DIP2A: variants seen among roughly 807,000 people sequenced by gnomAD.
DIP2A encodes the protein disco-interacting protein 2 homolog A.
DIP2A carries 85 observed loss-of-function variants against 177.4 expected under a neutral mutation model. That is an observed-to-expected ratio of 0.48 (90% confidence interval 0.40 to 0.57). The LOEUF (loss-of-function observed/expected upper bound fraction) is 0.57. Ranked by LOEUF, DIP2A falls within the 20% of genes least tolerant of loss-of-function variation. The probability of loss-of-function intolerance (pLI) is 0.00; values close to 1 mark genes in which losing one functional copy is unlikely to be tolerated. For synonymous variants in DIP2A, 886 were observed against 881.8 expected, an observed-to-expected ratio of 1.00 and a Z score of -0.08; for missense variants, 1,791 against 2,100.2, an observed-to-expected ratio of 0.85 and a Z score of 2.88.
Position 46,567,354 on chromosome 21 carries a change from TGTC to T in DIP2A, c.4464-15_4464-13del, listed in dbSNP as rs2060866914. 3 of 1,606,582 alleles carry T rather than the reference TGTC, an allele frequency of 1.9e-6. No individual in the cohort carries two copies. In the East Asian group the frequency reaches 6.7e-5, roughly 36 times the overall value. On this transcript the variant is annotated splice_polypyrimidine_tract_variant and intron_variant, in intron 37 of 37. Coordinates refer to ENST00000417564, the MANE Select transcript of DIP2A (RefSeq NM_015151.4). ...GTGCCTGTATCCATGTGACCCAGTC[TGTC>T]TTCTCTCTGCAGTGCCGTATTCACC...
At chr21:46,566,766 G>GTCCTTGCTCTGCTCCA in intron 37 of DIP2A, 83 bp downstream of exon 37, 1 of 1,563,972 alleles carries the variant, frequency 6.4e-7, no homozygotes, top group Non-Finnish European at 8.7e-7. Context: ...GGTTGGAGCA[G>GTCCTTGCTCTGCTCCA]AGCAAGGACT....
intron 3 of DIP2A, 89 bp downstream of exon 3, chr21:46,490,808 G>A (rs889830526): frequency 8.5e-6 from 12 of 1,418,194 alleles, no homozygotes; most frequent in Middle Eastern, 2.4e-4. Flanking sequence ...TTTTTCCTTT[G>A]CCACAATATC....
chr21:46,459,314 A>G, intron 1 of DIP2A, 92 bp downstream of exon 1: 1 of 966,206 alleles, frequency 1.0e-6, no homozygotes, highest in Non-Finnish European at 1.4e-6. Flanking sequence ...GCGGCCCCTC[A>G]CTCCAGGACC....
chr21:46,545,037 A>C, intron 18 of DIP2A, 100 bp from the exon 19 acceptor site: 7 of 1,231,630 alleles, frequency 5.7e-6, no homozygotes, highest in Non-Finnish European at 7.8e-6. Flanking sequence ...TGTATATAAC[A>C]TCCTGTTTCC....
At chr21:46,466,081 G>A (rs775174844) in intron 1 of DIP2A, among the ~76,000 whole-genome samples, 1 of 152,320 alleles carries the variant, frequency 6.6e-6, no homozygotes, top group Admixed American at 6.5e-5. Flanking sequence ...CAGTGAGCTT[G>A]ACAGTTTCTC....
At chr21:46,479,662 G>C (rs534819659) in intron 1 of DIP2A, among the ~76,000 whole-genome samples, 1 of 152,196 alleles carries the variant, frequency 6.6e-6, no homozygotes, top group South Asian at 2.1e-4. Context: ...AGTAGCTTAG[G>C]ACTATAGGCA....
chr21:46,577,615 C>CTT, the DIP2A span, among the ~76,000 whole-genome samples: 6 of 151,780 alleles, frequency 4.0e-5, no homozygotes, highest in African/African-American at 9.7e-5. Flanking sequence ...GCTATATGGG[C>CTT]TTTTTTTTGG....
At chr21:46,521,178 A>G (rs2058806323) in intron 8 of DIP2A, among the ~76,000 whole-genome samples, 1 of 152,076 alleles carries the variant, frequency 6.6e-6, no homozygotes, top group Admixed American at 6.6e-5. Flanking sequence ...GCAAACAAAA[A>G]TCTTTGTTTT....
At chr21:46,532,980 C>G (rs2839305) in intron 10 of DIP2A, among the ~76,000 whole-genome samples, 93,129 of 151,990 alleles carry the variant, frequency 0.61, 28,937 homozygotes, top group East Asian at 0.78. Flanking sequence ...TATCTCAAAG[C>G]ATAATATGTG....
chr21:46,490,479 T>C, intron 2 of DIP2A, 121 bp from the exon 3 acceptor site: 1 of 1,221,428 alleles, frequency 8.2e-7, no homozygotes, highest in Non-Finnish European at 1.1e-6. Flanking sequence ...ACTTCCAGAT[T>C]AAAGGCTCTT....
chr21:46,481,253 C>T (rs1184884286), intron 1 of DIP2A, among the ~76,000 whole-genome samples: 2 of 152,140 alleles, frequency 1.3e-5, no homozygotes, highest in Non-Finnish European at 2.9e-5. Flanking sequence ...CTTCTTTCAG[C>T]GTAATGTATT....
intron 35 of DIP2A, among the ~76,000 whole-genome samples, chr21:46,564,232 C>T (rs1015735747): frequency 2.0e-5 from 3 of 152,228 alleles, no homozygotes; most frequent in Non-Finnish European, 4.4e-5. Flanking sequence ...AAACAGCTAC[C>T]TTGTGCAGGA....
At chr21:46,571,917 C>T (rs1204510620), downstream of DIP2A, among the ~76,000 whole-genome samples, 2 of 152,148 alleles carry the variant, frequency 1.3e-5, no homozygotes, top group East Asian at 3.8e-4. Flanking sequence ...TTTGCCCTGA[C>T]CAGAACTTCC....
rs2060521249 is a variant in DIP2A at position 46,557,852 on chromosome 21, G to A, written c.3798+99G>A. ...AACAAGACTCCCAAGGCCCCTCCCT[G>A]CAGTTGGAGGAAGTAGAGAAAACCC... On this transcript the variant is annotated intron_variant, in intron 31 of 37. Transcript: ENST00000417564. The surrounding 1 kb of genome is among the most constrained non-coding windows in gnomAD (Gnocchi z 6.0). 5 of 1,403,986 alleles carry A rather than the reference G, an allele frequency of 3.6e-6. No individual in the cohort carries two copies. The East Asian group carries it at 9.9e-5, about 28-fold the overall frequency. The allele number at this position is 1,403,986 out of a possible 1,614,324, so 87.0% of individuals were successfully genotyped here. A position where few individuals can be genotyped will look rare whatever the true frequency, so the allele number is the denominator to read the frequency against.
At chr21:46,561,658 A>C in intron 33 of DIP2A, 90 bp from the exon 34 acceptor site, 1 of 1,481,996 alleles carries the variant, frequency 6.7e-7, no homozygotes, top group Non-Finnish European at 9.4e-7. Context: ...AGACCCTCAG[A>C]GTGATCATTT....
intron 1 of DIP2A, among the ~76,000 whole-genome samples, chr21:46,466,342 CTTTTTTT>C (rs71187318): frequency 2.2e-5 from 2 of 89,572 alleles, no homozygotes; most frequent in Non-Finnish European, 4.2e-5. Context: ...TACATTATAA[CTTTTTTT>C]TTTTTTTTTT....
intron 3 of DIP2A, among the ~76,000 whole-genome samples, chr21:46,496,467 C>A (rs2057367881): frequency 1.3e-5 from 2 of 152,128 alleles, no homozygotes; most frequent in East Asian, 3.8e-4. Context: ...ATAGTTTAAA[C>A]CAGGGGTGTC....
intron 1 of DIP2A, among the ~76,000 whole-genome samples, chr21:46,480,019 A>G (rs2148401800): frequency 6.7e-6 from 1 of 148,468 alleles, no homozygotes; most frequent in South Asian, 2.1e-4. Context: ...GATTTTCCTC[A>G]CCTTTTGTTC....
At chr21:46,461,785 A>C (rs1402632708) in intron 1 of DIP2A, among the ~76,000 whole-genome samples, 1 of 152,088 alleles carries the variant, frequency 6.6e-6, no homozygotes, top group Non-Finnish European at 1.5e-5. Context: ...TGAGCCCAGA[A>C]ATGGTGGCTT....
Sources: allele counts gnomAD v4.1 joint callset (sites outside exome capture counted in the v4.1 genomes callset), GRCh38; gene constraint gnomAD v4.1.1; non-coding constraint Gnocchi (gnomAD v3.1); transcripts MANE v1.5; gene names NCBI Gene and HGNC (gene_info 2026-07-23, HGNC 2026-07-21).